Variants in DDA1 observed in about 807,000 individuals in gnomAD.
DDA1 encodes DET1- and DDB1-associated protein 1.
DDA1 carries 3 observed loss-of-function variants against 18.6 expected under a neutral mutation model. That is an observed-to-expected ratio of 0.16 (90% CI 0.07 to 0.42). DDA1 has a LOEUF of 0.42. Among genes scored for constraint, DDA1 ranks in the 10% least tolerant of loss-of-function variants. The pLI is 0.99. For synonymous variants in DDA1, 52 were observed against 54.0 expected (o/e 0.96, Z 0.17); for missense variants, 105 against 138.2 (o/e 0.76, Z 1.20).
rs1453974719 is a variant in DDA1 at position 17,319,554 on chromosome 19, C to T, written c.207C>T (p.Ala69=). The T allele has an allele frequency of 6.4e-7, 1 of 1,567,898 alleles. No homozygotes were observed. Among genetic ancestry groups the T allele is most frequent in the Non-Finnish European group, 8.6e-7 (1 of 1,156,284 alleles). Residue 69 remains alanine, a synonymous_variant, in exon 5 of 5, where the codon GCC becomes GCT. Coordinates refer to ENST00000359866, the MANE Select transcript of DDA1 (RefSeq NM_024050.6). ...TTTTCCCTGTCCCCCAGAACGCTGC[C>T]AAGAAGAGAGACCAGGAGCAAGTGG... The part of the protein sequence containing the change: ...LHQQWDKKNA[A]KKRDQEQVEL...
In DDA1 at chr19:17,319,647, G is replaced by T; in HGVS notation, c.300G>T (p.Glu100Asp). 6.4e-7 allele frequency: 1 copy of T among 1,568,766 alleles called. No homozygotes were observed. The highest frequency in any genetic ancestry group is 1.4e-5 in the African/African-American group (1 of 73,982). Residue 100 changes from glutamate (E) to aspartate (D), a missense_variant, in exon 5 of 5, where the codon GAG (glutamate) becomes GAT (aspartate). By Grantham distance (45) the Glu-to-Asp change is conservative. Coordinates refer to ENST00000359866, the MANE Select transcript of DDA1 (RefSeq NM_024050.6). Reference protein sequence around the residue: ...VARTDSPDMHEDT With the variant: ...VARTDSPDMHDDT ...GGACCGACAGCCCAGACATGCACGA[G>T]GACACTTAAGACTCTCAACTCCACA...
chr19:17,314,134 T>A lies in DDA1; in HGVS notation c.84+31T>A, dbSNP rs1345907338. The A allele has an allele frequency of 1.3e-5, 21 of 1,611,288 alleles. No individual in the cohort carries two copies. The highest frequency in any genetic ancestry group is 1.8e-5 in the Non-Finnish European group (21 of 1,177,642). On this transcript the variant is annotated intron_variant, in intron 2 of 4. Transcript: ENST00000359866. The surrounding 1 kb of genome is among the most constrained non-coding windows in gnomAD (Gnocchi z 4.6). ...TGCGTGTTCCTGGGACTGGGAGGAA[T>A]TGGTCACTTCCAGGGGGCCTGGGGG...
Position 17,309,579 on chromosome 19 carries a change from G to A in DDA1, c.-76G>A. ...CGTGGCTGGAAGTTACTGTGAGGCG[G>A]CGGCTAAGAAGGCGGCTCTGGTGGC... is the stretch of plus-strand genomic sequence containing the variant. On this transcript the variant is annotated 5_prime_UTR_variant, in exon 1 of 5. Coordinates refer to ENST00000359866, the MANE Select transcript of DDA1 (RefSeq NM_024050.6). 2 of 1,476,792 alleles carry A rather than the reference G, an allele frequency of 1.4e-6. No individual in the cohort carries two copies. Among genetic ancestry groups the A allele is most frequent in the East Asian group, 2.3e-5 (1 of 44,016 alleles). The allele number at this position is 1,476,792 out of a possible 1,614,324, so 91.5% of individuals were successfully genotyped here.
In DDA1 at chr19:17,314,091, G is replaced by T. The variant is rs2074191293; in HGVS notation, c.72G>T (p.Val24=). ...SNFSRFHADS[V]CKASNRRPSV... is the part of the protein sequence containing the mutation. ...TTAGTCGATTTCACGCGGACTCCGTGTGCAAAGCCTCGGTGAGTGCGTGTT... is the reference window on the plus strand; with the variant it reads ...TTAGTCGATTTCACGCGGACTCCGTTTGCAAAGCCTCGGTGAGTGCGTGTT... Residue 24 remains valine (V), a synonymous_variant, in exon 2 of 5, where the codon GTG becomes GTT. Coordinates refer to ENST00000359866, the MANE Select transcript of DDA1 (RefSeq NM_024050.6). This position sits in a 1 kb window ranked among gnomAD's most constrained non-coding sequence, Gnocchi z 4.6. 1 of 1,614,102 alleles carries T rather than the reference G, an allele frequency of 6.2e-7. No individual in the cohort carries two copies. Among genetic ancestry groups the T allele is most frequent in the Non-Finnish European group, 8.5e-7 (1 of 1,180,002 alleles).
intron 4 of DDA1, among the ~76,000 whole-genome samples, chr19:17,316,895 CAAA>C (rs1235977625): frequency 1.3e-5 from 2 of 151,010 alleles, no homozygotes; most frequent in Non-Finnish European, 3.0e-5. Context: ...ACAAAAAAAA[CAAA>C]AAATCTTTTC....
At chr19:17,317,687 AAC>A (rs2074220560) in intron 4 of DDA1, among the ~76,000 whole-genome samples, 2 of 151,104 alleles carry the variant, frequency 1.3e-5, no homozygotes, top group African/African-American at 2.4e-5. Context: ...AAAAAAAAAA[AAC>A]AAATTAGCTG....
At chr19:17,316,546 C>CCGCAG (rs2074213978) in intron 4 of DDA1, among the ~76,000 whole-genome samples, 1 of 148,390 alleles carries the variant, frequency 6.7e-6, no homozygotes, top group African/African-American at 2.5e-5. Flanking sequence ...CACCACTGCA[C>CCGCAG]TCCAGCCTTG....
At chr19:17,315,153 ATATATACACACGTG>A (rs2074198041) in intron 3 of DDA1, among the ~76,000 whole-genome samples, 3 of 61,864 alleles carry the variant, frequency 4.8e-5, no homozygotes, top group Non-Finnish European at 9.4e-5. Flanking sequence ...ACACACACGT[ATATATACACACGTG>A]TATATACACA....
intron 1 of DDA1, among the ~76,000 whole-genome samples, chr19:17,311,229 G>C (rs968842084): frequency 1.3e-5 from 2 of 151,170 alleles, no homozygotes; most frequent in African/African-American, 2.4e-5. Flanking sequence ...GCAGTGGCAT[G>C]ATCTCGGCTC....
intron 4 of DDA1, among the ~76,000 whole-genome samples, chr19:17,319,110 C>G (rs1434274006): frequency 6.6e-6 from 1 of 152,206 alleles, no homozygotes; most frequent in Non-Finnish European, 1.5e-5. Flanking sequence ...GCTTGAGAAA[C>G]CAGCCCTGTG....
At chr19:17,315,269 ACGT>A (rs369865765) in intron 3 of DDA1, among the ~76,000 whole-genome samples, 2 of 71,192 alleles carry the variant, frequency 2.8e-5, no homozygotes, top group Non-Finnish European at 5.8e-5. Context: ...ATATACACAC[ACGT>A]GTATATACAC....
At position 17,314,379 on chromosome 19, in the gene DDA1, G is replaced by A. The variant is rs201972130; in HGVS notation, c.126G>A (p.Pro42=). The change falls in exon 3 of 5, where the codon CCG becomes CCA. Residue 42 remains proline (P), a synonymous_variant. Transcript: ENST00000359866. This position sits in a 1 kb window ranked among gnomAD's most constrained non-coding sequence, Gnocchi z 4.6. Reference sequence around the variant, plus strand: ...TCTACCTGCCTACCCGCGAGTACCCGTCTGAACAGAGTAAGTGGCCGCTGT... The same window carrying A: ...TCTACCTGCCTACCCGCGAGTACCCATCTGAACAGAGTAAGTGGCCGCTGT... ...PSVYLPTREY[P]SEQIIVTEKT... 4.3e-5 allele frequency: 69 copies of A among 1,614,242 alleles called. No individual in the cohort carries two copies. In the Middle Eastern group the frequency reaches 4.9e-4, roughly 12 times the overall value.
chr19:17,313,259 G>C (rs1000760897), intron 1 of DDA1, among the ~76,000 whole-genome samples: 1 of 151,694 alleles, frequency 6.6e-6, no homozygotes, highest in Non-Finnish European at 1.5e-5. Context: ...TCTCTGCCTC[G>C]GTGTCCTTGC....
rs1182068063 is a variant in DDA1, at chr19:17,321,853, T to C, written c.*2197T>C. ...AGTGTCTACACCACAGTGATGGTGCTACAGGGGCCATGTGGTCACAGGACA... is the reference window on the plus strand; with the variant it reads ...AGTGTCTACACCACAGTGATGGTGCCACAGGGGCCATGTGGTCACAGGACA... On this transcript the variant is annotated 3_prime_UTR_variant, in exon 5 of 5. Coordinates refer to ENST00000359866, the MANE Select transcript of DDA1 (RefSeq NM_024050.6). 1 of 152,570 alleles carries C rather than the reference T, an allele frequency of 6.6e-6. No homozygotes were observed. The highest frequency in any genetic ancestry group is 1.5e-5 in the Non-Finnish European group (1 of 68,294). 9.5% of individuals were successfully genotyped at this position (152,570 alleles called of 1,614,324 possible).
intron 1 of DDA1, among the ~76,000 whole-genome samples, chr19:17,310,714 G>A (rs180808105): frequency 2.0e-4 from 31 of 152,244 alleles, no homozygotes; most frequent in African/African-American, 5.8e-4. Context: ...CCTAGTGTGC[G>A]GGTCCCCAAG....
At chr19:17,316,644 G>A (rs1255614899) in intron 4 of DDA1, among the ~76,000 whole-genome samples, 2 of 151,916 alleles carry the variant, frequency 1.3e-5, no homozygotes, top group Non-Finnish European at 2.9e-5. Flanking sequence ...GGAGGCCAAG[G>A]TGGGCAGATC....
chr19:17,316,495 G>T (rs963620071), intron 4 of DDA1, among the ~76,000 whole-genome samples: 1 of 151,924 alleles, frequency 6.6e-6, no homozygotes, highest in Non-Finnish European at 1.5e-5. Context: ...CAGGAGAATC[G>T]CTTGAACCAG....
At chr19:17,312,983 G>C (rs1476584799) in intron 1 of DDA1, among the ~76,000 whole-genome samples, 3 of 152,236 alleles carry the variant, frequency 2.0e-5, no homozygotes, top group African/African-American at 4.8e-5. Flanking sequence ...AGCAGAGGAG[G>C]GGCCAGATGT....
intron 1 of DDA1, 30 bp downstream of exon 1, chr19:17,309,687 C>T (rs78265621): frequency 1.2e-6 from 2 of 1,610,582 alleles, no homozygotes; most frequent in Non-Finnish European, 1.7e-6. Flanking sequence ...CCCCACTCCC[C>T]CTCTGCTAGA....
Sources: allele counts gnomAD v4.1 joint callset (sites outside exome capture counted in the v4.1 genomes callset), GRCh38; gene constraint gnomAD v4.1.1; non-coding constraint Gnocchi (gnomAD v3.1); transcripts MANE v1.5; gene names NCBI Gene and HGNC (gene_info 2026-07-23, HGNC 2026-07-21).